The following DPP10 variants were observed in gnomAD, a reference collection of about 807,000 sequenced individuals.
The protein encoded by DPP10 is inactive dipeptidyl peptidase 10.
Under a neutral mutation model 120.9 loss-of-function variants are expected in DPP10, and 33 were observed. That is an observed-to-expected ratio of 0.27 (90% confidence interval 0.21 to 0.37). The LOEUF (loss-of-function observed/expected upper bound fraction) is 0.37, where lower values mean the gene tolerates loss of function less well. Ranked by LOEUF, DPP10 falls within the 10% of genes least tolerant of loss-of-function variation. The probability of loss-of-function intolerance (pLI) is 1.00; values close to 1 mark genes in which losing one functional copy is unlikely to be tolerated. For synonymous variants in DPP10, 337 were observed against 326.1 expected (o/e 1.03, Z -0.36); for missense variants, 816 against 942.8 (o/e 0.87, Z 1.76).
intron 1 of DPP10, among the ~76,000 whole-genome samples, chr2:114,517,049 G>T (rs1001633455): frequency 4.6e-5 from 7 of 151,982 alleles, no homozygotes; most frequent in African/African-American, 1.7e-4. Context: ...TAACTTTAGG[G>T]TATTCTGTAT....
At chr2:115,783,113 C>T (rs992772551) in intron 17 of DPP10, among the ~76,000 whole-genome samples, 10 of 151,924 alleles carry the variant, frequency 6.6e-5, no homozygotes, top group African/African-American at 2.4e-4. Context: ...TTAATCAATG[C>T]TTCTATTCTG....
intron 3 of DPP10, among the ~76,000 whole-genome samples, chr2:115,381,862 C>T (rs1223396937): frequency 6.6e-6 from 1 of 152,056 alleles, no homozygotes; most frequent in African/African-American, 2.4e-5. Context: ...AGTTAGGCTT[C>T]TCGGGGGTCA....
chr2:114,899,329 A>T (rs556282843), intron 1 of DPP10, among the ~76,000 whole-genome samples: 56 of 152,208 alleles, frequency 3.7e-4, no homozygotes, highest in African/African-American at 1.3e-3. Context: ...CCACGAAAAA[A>T]ATGCATTAAA....
intron 1 of DPP10, among the ~76,000 whole-genome samples, chr2:114,462,736 A>G (rs1033955424): frequency 2.0e-5 from 3 of 152,214 alleles, no homozygotes; most frequent in African/African-American, 7.2e-5. Context: ...CTCTGGCAGC[A>G]ATAGTTGGCA....
intron 1 of DPP10, among the ~76,000 whole-genome samples, chr2:114,966,286 G>A (rs1361873319): frequency 6.6e-6 from 1 of 152,160 alleles, no homozygotes; most frequent in African/African-American, 2.4e-5. Context: ...GTCTTGGGAG[G>A]TGGGGCCTAG....
At chr2:115,226,852 T>TA (rs2057458278) in intron 1 of DPP10, among the ~76,000 whole-genome samples, 1 of 152,164 alleles carries the variant, frequency 6.6e-6, no homozygotes, top group Admixed American at 6.6e-5. Flanking sequence ...TTAAGGGACT[T>TA]ACATTTGTAT....
chr2:114,552,215 C>T (rs1370234584), intron 1 of DPP10, among the ~76,000 whole-genome samples: 1 of 152,160 alleles, frequency 6.6e-6, no homozygotes, highest in Non-Finnish European at 1.5e-5. Flanking sequence ...AGTAGGGCAG[C>T]GATGCGTAGC....
chr2:115,582,846 C>T (rs2082077718), intron 5 of DPP10, among the ~76,000 whole-genome samples: 2 of 152,296 alleles, frequency 1.3e-5, no homozygotes, highest in South Asian at 4.1e-4. Flanking sequence ...CACTTATTCT[C>T]TTGAATGCAA....
intron 1 of DPP10, among the ~76,000 whole-genome samples, chr2:114,884,590 A>C (rs1691902905): frequency 6.6e-6 from 1 of 152,110 alleles, no homozygotes; most frequent in African/African-American, 2.4e-5. Context: ...TTTTCGAGGA[A>C]CAGGTGGTGT....
At chr2:115,167,957 A>G (rs902994950) in intron 1 of DPP10, among the ~76,000 whole-genome samples, 1 of 152,192 alleles carries the variant, frequency 6.6e-6, no homozygotes, top group South Asian at 2.1e-4. Flanking sequence ...AATGCAATGT[A>G]CTTCCCAAGG....
intron 1 of DPP10, among the ~76,000 whole-genome samples, chr2:114,916,552 G>A (rs532970880): frequency 1.3e-5 from 2 of 152,292 alleles, no homozygotes; most frequent in East Asian, 3.9e-4. Context: ...TATTCCTAAT[G>A]CATATAGAAG....
At chr2:115,659,029 T>G (rs1456818218) in intron 5 of DPP10, among the ~76,000 whole-genome samples, 1 of 152,158 alleles carries the variant, frequency 6.6e-6, no homozygotes, top group East Asian at 1.9e-4. Context: ...AGAGCCCTCA[T>G]GAATGGCAGG....
chr2:115,797,152 G>A (rs1684631612), intron 19 of DPP10, among the ~76,000 whole-genome samples: 1 of 151,984 alleles, frequency 6.6e-6, no homozygotes, highest in South Asian at 2.1e-4. Context: ...TTGGTGTAAA[G>A]TATTGATTAT....
At chr2:115,554,134 A>G (rs890161432) in intron 5 of DPP10, among the ~76,000 whole-genome samples, 1 of 151,624 alleles carries the variant, frequency 6.6e-6, no homozygotes, top group African/African-American at 2.4e-5. Context: ...TCCCAAAACT[A>G]CTATGTGTTC....
intron 3 of DPP10, among the ~76,000 whole-genome samples, chr2:115,408,168 T>C (rs1392307026): frequency 1.3e-5 from 2 of 152,108 alleles, no homozygotes; most frequent in African/African-American, 2.4e-5. Context: ...TAGGAGTATC[T>C]GCTCTTACCC....
intron 1 of DPP10, among the ~76,000 whole-genome samples, chr2:114,749,706 G>T (rs1434159353): frequency 6.6e-6 from 1 of 151,748 alleles, no homozygotes; most frequent in Non-Finnish European, 1.5e-5. Flanking sequence ...CTCACAACAA[G>T]CCGGGATTAC....
chr2:115,671,058 T>TA (rs1396930648), intron 5 of DPP10, among the ~76,000 whole-genome samples: 1 of 152,030 alleles, frequency 6.6e-6, no homozygotes, highest in Non-Finnish European at 1.5e-5. Context: ...AGGGCATGTC[T>TA]AAAAAAACAC....
At chr2:115,458,197 A>T (rs1031258426) in intron 3 of DPP10, among the ~76,000 whole-genome samples, 1 of 152,144 alleles carries the variant, frequency 6.6e-6, no homozygotes, top group African/African-American at 2.4e-5. Context: ...CCAAAATGAG[A>T]GACATGGAAG....
At position 115,499,532 on chromosome 2, in the gene DPP10, C is replaced by T. The variant is rs750203671; in HGVS notation, c.294C>T (p.Ser98=). The change falls in exon 4 of 26, where the codon AGC becomes AGT. Residue 98 remains serine, a synonymous_variant. Transcript: ENST00000410059. ...CAGATACAGATGTGGTGTATAAAAGCGAGAATGGACATGTCATTAAACTGA... is the reference window on the plus strand; with the variant it reads ...CAGATACAGATGTGGTGTATAAAAGTGAGAATGGACATGTCATTAAACTGA... ...WINDTDVVYK[S]ENGHVIKLNI... is the part of the protein sequence containing the mutation. The T allele has an allele frequency of 6.2e-6, 10 of 1,610,888 alleles. No homozygotes were observed. Among genetic ancestry groups the T allele is most frequent in the Admixed American group, 1.7e-5 (1 of 59,698 alleles).
Sources: allele counts gnomAD v4.1 joint callset (sites outside exome capture counted in the v4.1 genomes callset), GRCh38; gene constraint gnomAD v4.1.1; transcripts MANE v1.5; gene names NCBI Gene and HGNC (gene_info 2026-07-23, HGNC 2026-07-21).